The following CARMIL1 variants were observed in gnomAD, a reference collection of about 807,000 sequenced individuals.
CARMIL1 encodes F-actin-uncapping protein LRRC16A.
Under a neutral mutation model 177.1 loss-of-function variants are expected in CARMIL1, and 90 were observed. The observed-to-expected ratio is 0.51, with a 90% CI of 0.43 to 0.61. The LOEUF is 0.61. Ranked by LOEUF, CARMIL1 falls within the 20% of genes least tolerant of loss-of-function variation. The pLI is 0.00. For synonymous variants in CARMIL1, 577 were observed against 606.2 expected, an observed-to-expected ratio of 0.95 and a Z score of 0.71; for missense variants, 1,380 against 1,667.0, an observed-to-expected ratio of 0.83 and a Z score of 3.00.
intron 16 of CARMIL1, among the ~76,000 whole-genome samples, chr6:25,497,493 A>AG (rs1803853668): frequency 6.6e-6 from 1 of 152,120 alleles, no homozygotes. Flanking sequence ...TGAAAAGGGA[A>AG]GGGGGAGAAA....
intron 13 of CARMIL1, among the ~76,000 whole-genome samples, chr6:25,489,252 C>T (rs1802964552): frequency 6.6e-6 from 1 of 152,060 alleles, no homozygotes; most frequent in Non-Finnish European, 1.5e-5. Flanking sequence ...ATTAACTGAA[C>T]TTTCTCATTA....
At chr6:25,443,647 T>C (rs2150809760) in intron 5 of CARMIL1, among the ~76,000 whole-genome samples, 2 of 152,338 alleles carry the variant, frequency 1.3e-5, no homozygotes, top group East Asian at 1.9e-4. Context: ...AGAATATATA[T>C]ACCTTAAAAA....
intron 20 of CARMIL1, among the ~76,000 whole-genome samples, chr6:25,511,646 TCCC>T (rs1805462690): frequency 6.6e-6 from 1 of 152,196 alleles, no homozygotes; most frequent in South Asian, 2.1e-4. Flanking sequence ...AGTATCATTT[TCCC>T]TCCTGAATTC....
chr6:25,609,036 A>G (rs1314724206), intron 35 of CARMIL1, among the ~76,000 whole-genome samples: 2 of 152,152 alleles, frequency 1.3e-5, no homozygotes, highest in Non-Finnish European at 2.9e-5. Flanking sequence ...TGTTTTAAGA[A>G]AGTTTACAAG....
At chr6:25,315,808 G>A (rs1032865922) in intron 2 of CARMIL1, among the ~76,000 whole-genome samples, 29 of 152,108 alleles carry the variant, frequency 1.9e-4, no homozygotes, top group African/African-American at 7.0e-4. Flanking sequence ...AAGAGTAATA[G>A]GCACCCTCTA....
chr6:25,443,131 G>A (rs1027954941), intron 5 of CARMIL1, among the ~76,000 whole-genome samples: 4 of 152,244 alleles, frequency 2.6e-5, no homozygotes, highest in Middle Eastern at 3.4e-3. Flanking sequence ...TCCTAGATGA[G>A]GTCAGACAGA....
intron 33 of CARMIL1, among the ~76,000 whole-genome samples, chr6:25,604,371 A>C (rs868700833): frequency 6.6e-6 from 1 of 152,228 alleles, no homozygotes; most frequent in Non-Finnish European, 1.5e-5. Flanking sequence ...GGCATGAGCC[A>C]CTGCACCCAG....
At chr6:25,557,361 C>T (rs1810717585) in intron 29 of CARMIL1, among the ~76,000 whole-genome samples, 1 of 152,100 alleles carries the variant, frequency 6.6e-6, no homozygotes, top group African/African-American at 2.4e-5. Context: ...AACTGTAGGT[C>T]TTAATTTCTT....
chr6:25,362,392 G>A (rs905870268), intron 2 of CARMIL1, among the ~76,000 whole-genome samples: 10 of 152,154 alleles, frequency 6.6e-5, no homozygotes, highest in Admixed American at 3.9e-4. Context: ...ACCACTACAC[G>A]GGCCGGGCGT....
chr6:25,290,890 A>G (rs1315041400), intron 2 of CARMIL1, among the ~76,000 whole-genome samples: 2 of 152,152 alleles, frequency 1.3e-5, no homozygotes, highest in South Asian at 4.1e-4. Flanking sequence ...GCCTCTTGCA[A>G]TCACTTGAAC....
rs1810648292 is a variant in CARMIL1 at position 25,556,817 on chromosome 6, G to A, written c.2709G>A (p.Glu903=). The part of the protein sequence containing the change: ...RSIITVEELT[E]IERLEDLDTC... Reference sequence around the variant, plus strand: ...TCATCACAGTGGAGGAGCTAACAGAGATAGAGCGTTTGGAAGATCTGGATA... The same window carrying A: ...TCATCACAGTGGAGGAGCTAACAGAAATAGAGCGTTTGGAAGATCTGGATA... The change falls in exon 29 of 37, where the codon GAG becomes GAA. Residue 903 remains glutamate (E), a synonymous_variant. Transcript: ENST00000329474. The A allele has an allele frequency of 6.2e-7, 1 of 1,613,194 alleles. No homozygotes were observed.
intron 8 of CARMIL1, 27 bp from the exon 9 acceptor site, chr6:25,465,845 TC>T: frequency 7.0e-7 from 1 of 1,428,896 alleles, no homozygotes. Flanking sequence ...AGGAGCACTT[TC>T]ATGTACTTTG....
intron 12 of CARMIL1, among the ~76,000 whole-genome samples, chr6:25,484,928 CAGGAGGCTG>C (rs1021804039): frequency 2.0e-4 from 31 of 152,168 alleles, no homozygotes; most frequent in African/African-American, 7.5e-4. Flanking sequence ...TCTAGCCACC[CAGGAGGCTG>C]AGGTGGGAGG....
At chr6:25,556,202 C>T (rs1040390559) in intron 28 of CARMIL1, among the ~76,000 whole-genome samples, 6 of 152,156 alleles carry the variant, frequency 3.9e-5, no homozygotes, top group Non-Finnish European at 8.8e-5. Context: ...TTCAGCCAAG[C>T]TTATTCTACC....
At chr6:25,288,090 C>A (rs1217393695) in intron 2 of CARMIL1, among the ~76,000 whole-genome samples, 1 of 152,154 alleles carries the variant, frequency 6.6e-6, no homozygotes, top group African/African-American at 2.4e-5. Context: ...GAGGAACTCC[C>A]AACTCAGGCC....
intron 32 of CARMIL1, among the ~76,000 whole-genome samples, chr6:25,595,276 T>G (rs1423745829): frequency 1.3e-5 from 2 of 152,220 alleles, no homozygotes; most frequent in Non-Finnish European, 2.9e-5. Context: ...ATTCTCACCT[T>G]GAGATATCAA....
At chr6:25,457,508 G>T (rs1799644040) in intron 8 of CARMIL1, among the ~76,000 whole-genome samples, 1 of 152,178 alleles carries the variant, frequency 6.6e-6, no homozygotes, top group Non-Finnish European at 1.5e-5. Context: ...TAGGATAGCA[G>T]GAGGGAATAG....
At position 25,509,942 on chromosome 6, in the gene CARMIL1, G is replaced by A. The variant is rs1805304273; in HGVS notation, c.1477+205G>A. Among the ~76,000 whole-genome samples the A allele has an allele frequency of 6.6e-6, 1 of 152,052 alleles. No homozygotes were observed. Among genetic ancestry groups the A allele is most frequent in the African/African-American group, 2.4e-5 (1 of 41,384 alleles). Reference sequence around the variant, plus strand: ...AGAGTCTTACTAAGTTGACTCTGTGGCCAACTATGCAAAGTCTATGCAGTA... The same window carrying A: ...AGAGTCTTACTAAGTTGACTCTGTGACCAACTATGCAAAGTCTATGCAGTA... On this transcript the variant is annotated intron_variant, in intron 18 of 36. Transcript: ENST00000329474. The surrounding 1 kb of genome is among the most constrained non-coding windows in gnomAD (Gnocchi z 4.1).
chr6:25,525,473 C>A (rs1177077179), intron 23 of CARMIL1, among the ~76,000 whole-genome samples: 1 of 151,970 alleles, frequency 6.6e-6, no homozygotes, highest in Non-Finnish European at 1.5e-5. Context: ...ATCTGTCTTG[C>A]AAGAAATGTT....
Sources: gnomAD v4.1 joint callset for allele counts (sites outside exome capture counted in the v4.1 genomes callset) on GRCh38, gnomAD v4.1.1 for gene constraint, Gnocchi (gnomAD v3.1) non-coding constraint, MANE v1.5 for transcripts, NCBI Gene and HGNC (gene_info 2026-07-23, HGNC 2026-07-21) for gene names.